The following RERE variants were observed in gnomAD, a reference collection of about 807,000 sequenced individuals.
The protein encoded by RERE is arginine-glutamic acid dipeptide repeats, also known as arginine-glutamic acid dipeptide repeats protein.
Under a neutral mutation model 146.1 loss-of-function variants are expected in RERE, and 40 were observed. The observed-to-expected ratio is 0.27, with a 90% CI of 0.21 to 0.36. The LOEUF (loss-of-function observed/expected upper bound fraction) is 0.36, where lower values mean the gene tolerates loss of function less well. RERE is among the 10% of genes least tolerant of loss of function. The pLI is 1.00. For synonymous variants in RERE, 1,003 were observed against 866.0 expected (o/e 1.16, Z -2.78); for missense variants, 1,933 against 2,138.7 (o/e 0.90, Z 1.90).
At chr1:8,576,898 G>A (rs193232756) in intron 4 of RERE, among the ~76,000 whole-genome samples, 84 of 152,302 alleles carry the variant, frequency 5.5e-4, no homozygotes, top group African/African-American at 7.9e-4. Flanking sequence ...TGCTGGGCAC[G>A]GTGGCTCATG....
intron 11 of RERE, among the ~76,000 whole-genome samples, chr1:8,427,275 T>C (rs1644027798): frequency 6.6e-6 from 1 of 152,198 alleles, no homozygotes; most frequent in African/African-American, 2.4e-5. Context: ...TCTTGCTCCA[T>C]GATGCCAAAC....
intron 1 of RERE, among the ~76,000 whole-genome samples, chr1:8,755,084 C>T (rs767888849): frequency 6.6e-6 from 1 of 152,252 alleles, no homozygotes; most frequent in Non-Finnish European, 1.5e-5. Context: ...TACAAAGGCT[C>T]ACCTTTGCAT....
chr1:8,414,447 T>C (rs1185215082), intron 12 of RERE, among the ~76,000 whole-genome samples: 2 of 151,896 alleles, frequency 1.3e-5, no homozygotes, highest in Non-Finnish European at 2.9e-5. Context: ...TCCTAGCTAC[T>C]TGGGAGGCTG....
At chr1:8,502,691 G>C (rs1193159598) in intron 8 of RERE, among the ~76,000 whole-genome samples, 1 of 150,714 alleles carries the variant, frequency 6.6e-6, no homozygotes, top group African/African-American at 2.5e-5. Flanking sequence ...TGGTTGCCGG[G>C]TCTGTGTGGA....
intron 1 of RERE, among the ~76,000 whole-genome samples, chr1:8,714,018 C>T (rs928694453): frequency 6.6e-6 from 1 of 151,988 alleles, no homozygotes; most frequent in Admixed American, 6.6e-5. Flanking sequence ...ATTCATTTGG[C>T]TTTTAAAGGG....
chr1:8,602,906 A>T (rs779508147), intron 4 of RERE, among the ~76,000 whole-genome samples: 9 of 152,194 alleles, frequency 5.9e-5, no homozygotes, highest in African/African-American at 4.8e-5. Flanking sequence ...ATAGGGGGCA[A>T]TTTCTCTGAA....
chr1:8,469,551 C>T (rs1040425278), intron 10 of RERE, among the ~76,000 whole-genome samples: 3 of 152,172 alleles, frequency 2.0e-5, no homozygotes, highest in Non-Finnish European at 4.4e-5. Flanking sequence ...TGAACCCAGG[C>T]GGCAGAGGTT....
intron 22 of RERE, 108 bp from the exon 23 acceptor site, chr1:8,355,228 C>T (rs907939356): frequency 1.6e-5 from 20 of 1,275,200 alleles, no homozygotes; most frequent in South Asian, 1.5e-4. Context: ...ACCCCAAGCC[C>T]GCAGCCTCCT....
chr1:8,482,681 C>CAAAAA (rs35501735), intron 10 of RERE, among the ~76,000 whole-genome samples: 2 of 51,230 alleles, frequency 3.9e-5, no homozygotes, highest in Non-Finnish European at 8.7e-5. Flanking sequence ...GATTCTGTTG[C>CAAAAA]AAAAAAAAAA....
intron 11 of RERE, among the ~76,000 whole-genome samples, chr1:8,462,650 A>G (rs1187096487): frequency 6.6e-6 from 1 of 152,238 alleles, no homozygotes; most frequent in East Asian, 1.9e-4. Context: ...CAAAGTATTC[A>G]TGTAAAAATG....
chr1:8,385,697 A>C (rs1202045024), intron 12 of RERE, among the ~76,000 whole-genome samples: 1 of 150,456 alleles, frequency 6.6e-6, no homozygotes, highest in African/African-American at 2.5e-5. Context: ...CTTCTACCAA[A>C]CAAACAAACA....
chr1:8,376,011 T>C (rs999354885), intron 12 of RERE, among the ~76,000 whole-genome samples: 2 of 152,212 alleles, frequency 1.3e-5, no homozygotes, highest in Admixed American at 1.3e-4. Context: ...TTTCCCTGCT[T>C]TACAAATGAG....
At chr1:8,450,719 C>T (rs1027142963) in intron 11 of RERE, among the ~76,000 whole-genome samples, 2 of 152,132 alleles carry the variant, frequency 1.3e-5, no homozygotes, top group African/African-American at 4.8e-5. Flanking sequence ...CCTGTCTCAC[C>T]GTCTCATCAA....
chr1:8,600,775 G>C (rs1323309958), intron 4 of RERE, among the ~76,000 whole-genome samples: 1 of 124,826 alleles, frequency 8.0e-6, no homozygotes, highest in Non-Finnish European at 1.6e-5. Context: ...TTTTTTTTGA[G>C]ACAGAATCTT....
At chr1:8,589,107 G>C (rs1646461503) in intron 4 of RERE, among the ~76,000 whole-genome samples, 1 of 152,012 alleles carries the variant, frequency 6.6e-6, no homozygotes, top group South Asian at 2.1e-4. Flanking sequence ...CTGGGCAACT[G>C]AGCAGGACTC....
chr1:8,670,455 G>T (rs144087441), intron 1 of RERE, among the ~76,000 whole-genome samples: 1 of 152,142 alleles, frequency 6.6e-6, no homozygotes, highest in African/African-American at 2.4e-5. Flanking sequence ...CAATCTAGTG[G>T]GGGAGAGAGC....
chr1:8,716,773 C>T, intron 1 of RERE, among the ~76,000 whole-genome samples: 1 of 151,388 alleles, frequency 6.6e-6, no homozygotes, highest in East Asian at 1.9e-4. Context: ...GCTTTGATCA[C>T]CTGGTGAAGA....
At chr1:8,500,752 T>C (rs1237508463) in intron 8 of RERE, among the ~76,000 whole-genome samples, 1 of 149,572 alleles carries the variant, frequency 6.7e-6, no homozygotes, top group Non-Finnish European at 1.5e-5. Context: ...CGCCATCCCA[T>C]CTAGGAAGCG....
intron 7 of RERE, among the ~76,000 whole-genome samples, chr1:8,527,067 CA>C (rs1296571385): frequency 1.3e-5 from 2 of 152,196 alleles, no homozygotes; most frequent in African/African-American, 4.8e-5. Context: ...ACAGTGTCCT[CA>C]AGATTCCTAC....
Sources: allele counts gnomAD v4.1 joint callset (sites outside exome capture counted in the v4.1 genomes callset), GRCh38; gene constraint gnomAD v4.1.1; transcripts MANE v1.5; gene names NCBI Gene and HGNC (gene_info 2026-07-23, HGNC 2026-07-21).